The following RAB37 variants were observed in gnomAD, a reference collection of about 807,000 sequenced individuals.
The protein encoded by RAB37 is ras-related protein Rab-37.
A neutral mutation model predicts 33.1 loss-of-function variants in RAB37; 29 were observed. That is an observed-to-expected ratio of 0.88 (90% CI 0.65 to 1.20). The LOEUF (loss-of-function observed/expected upper bound fraction) is 1.20, where lower values mean the gene tolerates loss of function less well. RAB37 is among the 50% of genes most tolerant of loss of function. RAB37 has a pLI of 0.00. For synonymous variants in RAB37, 128 were observed against 119.5 expected (o/e 1.07, Z -0.47); for missense variants, 299 against 301.1 (o/e 0.99, Z 0.05).
intron 1 of RAB37, among the ~76,000 whole-genome samples, chr17:74,673,729 G>A (rs1225830565): frequency 6.6e-6 from 1 of 152,228 alleles, no homozygotes. Flanking sequence ...TTAAAGGCAA[G>A]TATCTATTTA....
chr17:74,737,436 G>A, intron 1 of RAB37, 71 bp downstream of exon 1: 1 of 1,458,432 alleles, frequency 6.9e-7, no homozygotes, highest in South Asian at 1.3e-5. Context: ...GTCTGGGTTG[G>A]ACTCAGCCCT....
intron 1 of RAB37, among the ~76,000 whole-genome samples, chr17:74,683,837 G>A (rs2032002040): frequency 6.6e-6 from 1 of 152,140 alleles, no homozygotes; most frequent in Non-Finnish European, 1.5e-5. Context: ...GCACCACAGT[G>A]GCATTCACTG....
At chr17:74,737,207 G>T (rs1418124329), upstream of RAB37, 3 of 1,532,906 alleles carry the variant, frequency 2.0e-6, no homozygotes, top group African/African-American at 4.1e-5. Context: ...GGCGGGGCGG[G>T]GGTGGGGCCG....
intron 1 of RAB37, among the ~76,000 whole-genome samples, chr17:74,691,960 G>T (rs962224466): frequency 1.3e-5 from 2 of 151,578 alleles, no homozygotes; most frequent in Non-Finnish European, 2.9e-5. Flanking sequence ...CCGCCTTCTG[G>T]GTTCATGCCA....
chr17:74,709,496 C>T (rs1005563318), intron 1 of RAB37, among the ~76,000 whole-genome samples: 2 of 152,096 alleles, frequency 1.3e-5, no homozygotes, highest in African/African-American at 2.4e-5. Context: ...GTTTTATGCA[C>T]TTTTTTGTAC....
At chr17:74,723,062 G>GTC (rs1276810845) in intron 1 of RAB37, among the ~76,000 whole-genome samples, 1 of 152,188 alleles carries the variant, frequency 6.6e-6, no homozygotes, top group African/African-American at 2.4e-5. Context: ...TTTATCAAGG[G>GTC]TCGATACAAC....
chr17:74,703,058 C>G, intron 1 of RAB37: 1 of 1,613,916 alleles, frequency 6.2e-7, no homozygotes, highest in Non-Finnish European at 8.5e-7. Flanking sequence ...GGTGGCCGGT[C>G]AGAGTTGGGG....
chr17:74,742,292 G>C lies in RAB37; in HGVS notation c.243G>C (p.Leu81=). The part of the protein sequence containing the change: ...VVTVDGVRVK[L]QIWDTAGQER... ...CTGTGGATGGCGTGAGAGTGAAGCT[G>C]CAGGTGAGACCAGAGGCTGGAGTTG... The change falls in exon 3 of 9, where the codon CTG becomes CTC. Residue 81 remains leucine, a synonymous_variant. Transcript: ENST00000392613. This position sits in a 1 kb window ranked among gnomAD's most constrained non-coding sequence, Gnocchi z 4.0. The C allele has an allele frequency of 6.2e-7, 1 of 1,612,826 alleles. No homozygotes were observed. The highest frequency in any genetic ancestry group is 8.5e-7 in the Non-Finnish European group (1 of 1,179,122).
At chr17:74,736,521 G>C, upstream of RAB37, 1 of 1,441,184 alleles carries the variant, frequency 6.9e-7, no homozygotes, top group Non-Finnish European at 9.1e-7. Context: ...GCCAGGGTGA[G>C]TGTCATGGGT....
rs1017969279 is a variant in RAB37, at chr17:74,676,008, A to T, written c.72+4350A>T. On this transcript the variant is annotated intron_variant, in intron 1 of 7. Transcript: ENST00000340415. This position sits in a 1 kb window ranked among gnomAD's most constrained non-coding sequence, Gnocchi z 4.1. ...GAGCAACCTGGCTGCTCTTTTCCTT[A>T]GAGAACTCTCAGTTCTCTCTTGCCA... is the stretch of plus-strand genomic sequence containing the variant. 1.1e-4 allele frequency among the ~76,000 whole-genome samples: 17 copies of T among 152,198 alleles called. No homozygotes were observed. The highest frequency in any genetic ancestry group is 2.5e-4 in the Non-Finnish European group (17 of 68,026).
intron 1 of RAB37, among the ~76,000 whole-genome samples, chr17:74,675,216 C>A (rs555673797): frequency 6.6e-6 from 1 of 152,202 alleles, no homozygotes; most frequent in East Asian, 1.9e-4. Context: ...GAGGATGAAT[C>A]ATGAGGTCAG....
chr17:74,719,836 A>T (rs954271532), intron 1 of RAB37, among the ~76,000 whole-genome samples: 81 of 152,198 alleles, frequency 5.3e-4, no homozygotes, highest in African/African-American at 1.9e-3. Flanking sequence ...ATTTAAATAA[A>T]TTTTTTAAAA....
intron 1 of RAB37, among the ~76,000 whole-genome samples, chr17:74,678,971 C>A (rs540879663): frequency 2.8e-4 from 42 of 151,908 alleles, no homozygotes; most frequent in Non-Finnish European, 4.7e-4. Flanking sequence ...ATTAGCTGGG[C>A]GTGGTGGCAG....
intron 1 of RAB37, among the ~76,000 whole-genome samples, chr17:74,713,240 G>A (rs2034087207): frequency 6.6e-6 from 1 of 151,604 alleles, no homozygotes; most frequent in Admixed American, 6.6e-5. Flanking sequence ...AGTAGGCGGA[G>A]GTTGTAGTGA....
At chr17:74,688,458 C>A (rs2032096690) in intron 1 of RAB37, among the ~76,000 whole-genome samples, 1 of 150,298 alleles carries the variant, frequency 6.7e-6, no homozygotes, top group Non-Finnish European at 1.5e-5. Context: ...GAGGCTGAGG[C>A]AGGAGAATTG....
At chr17:74,691,141 T>C (rs2032150076) in intron 1 of RAB37, among the ~76,000 whole-genome samples, 1 of 152,142 alleles carries the variant, frequency 6.6e-6, no homozygotes, top group Admixed American at 6.5e-5. Flanking sequence ...CTGGAGTAGC[T>C]GGGACTGCAG....
intron 1 of RAB37, among the ~76,000 whole-genome samples, chr17:74,690,431 C>T (rs73361325): frequency 4.1e-4 from 63 of 152,198 alleles, no homozygotes; most frequent in African/African-American, 1.4e-3. Flanking sequence ...AAATGCTACC[C>T]TCACTCAGAC....
intron 1 of RAB37, chr17:74,694,921 A>C: frequency 1.7e-6 from 1 of 589,906 alleles, no homozygotes; most frequent in Non-Finnish European, 2.9e-6. Flanking sequence ...CCCAACTCCT[A>C]GAAGCCCCCT....
At chr17:74,689,551 G>GT (rs1282709939) in intron 1 of RAB37, among the ~76,000 whole-genome samples, 1 of 152,164 alleles carries the variant, frequency 6.6e-6, no homozygotes, top group African/African-American at 2.4e-5. Flanking sequence ...ACCAATTCCT[G>GT]TGAAATTGAA....
Sources: gnomAD v4.1 joint callset for allele counts (sites outside exome capture counted in the v4.1 genomes callset) on GRCh38, gnomAD v4.1.1 for gene constraint, Gnocchi (gnomAD v3.1) non-coding constraint, MANE v1.5 for transcripts, NCBI Gene and HGNC (gene_info 2026-07-23, HGNC 2026-07-21) for gene names.